The following NUP133 variants were observed in gnomAD, a reference collection of about 807,000 sequenced individuals.
NUP133 encodes nuclear pore complex protein Nup133.
Under a neutral mutation model 146.2 loss-of-function variants are expected in NUP133, and 66 were observed. The ratio of observed to expected loss-of-function variants is 0.45; its 90% confidence interval spans 0.37 to 0.55. The LOEUF is 0.55. Among genes scored for constraint, NUP133 ranks in the 20% least tolerant of loss-of-function variants. The pLI is 0.00. For synonymous variants in NUP133, 521 were observed against 498.8 expected, an observed-to-expected ratio of 1.04 and a Z score of -0.59; for missense variants, 1,277 against 1,374.8, an observed-to-expected ratio of 0.93 and a Z score of 1.12.
intron 12 of NUP133, among the ~76,000 whole-genome samples, chr1:229,480,203 G>A (rs1432551763): frequency 6.6e-6 from 1 of 152,178 alleles, no homozygotes; most frequent in Non-Finnish European, 1.5e-5. Context: ...GGGCTTCTGT[G>A]ATCTCTGTGA....
chr1:229,502,160 C>A, intron 2 of NUP133, 58 bp from the exon 3 acceptor site: 1 of 1,289,716 alleles, frequency 7.8e-7, no homozygotes, highest in Non-Finnish European at 1.1e-6. Context: ...TATTACCACA[C>A]GCTTTATCAA....
At chr1:229,461,338 G>A (rs1660685432) in intron 19 of NUP133, among the ~76,000 whole-genome samples, 1 of 152,216 alleles carries the variant, frequency 6.6e-6, no homozygotes, top group Admixed American at 6.5e-5. Context: ...GTGGTGTGGA[G>A]GCTGAGCTGG....
intron 15 of NUP133, among the ~76,000 whole-genome samples, chr1:229,469,768 C>T (rs1017078223): frequency 6.6e-6 from 1 of 152,210 alleles, no homozygotes; most frequent in Admixed American, 6.5e-5. Context: ...TGGCAGAAGC[C>T]GGAGGGCAAG....
intron 14 of NUP133, among the ~76,000 whole-genome samples, chr1:229,472,040 C>T (rs1347280639): frequency 6.6e-6 from 1 of 152,180 alleles, no homozygotes; most frequent in African/African-American, 2.4e-5. Flanking sequence ...GTGTAATCGG[C>T]CAGGCGTGAT....
chr1:229,449,883 T>A (rs866720545), intron 23 of NUP133, among the ~76,000 whole-genome samples: 16,870 of 108,300 alleles, frequency 0.16, 1,465 homozygotes, highest in Middle Eastern at 0.21. Context: ...ATTTTTTTTT[T>A]TTTTTTTTTT....
chr1:229,505,024 A>G (rs10449250), intron 2 of NUP133, among the ~76,000 whole-genome samples: 46,059 of 152,064 alleles, frequency 0.3, 8,805 homozygotes, highest in African/African-American at 0.54. Context: ...AAAACATGAT[A>G]AGATTTATAC....
intron 12 of NUP133, 88 bp downstream of exon 12, chr1:229,483,966 C>A (rs1000395871): frequency 1.2e-5 from 10 of 851,590 alleles, no homozygotes; most frequent in Non-Finnish European, 1.9e-5. Flanking sequence ...ATTCCTCCAA[C>A]TTGCTCCCAC....
chr1:229,506,320 AC>A (rs1277984657), intron 1 of NUP133, among the ~76,000 whole-genome samples, 162 bp from the exon 2 acceptor site: 1 of 152,050 alleles, frequency 6.6e-6, no homozygotes, highest in African/African-American at 2.4e-5. Context: ...TAAAAAAAAA[AC>A]AAAACAGGAT....
At chr1:229,490,566 T>C (rs1033597657) in intron 8 of NUP133, among the ~76,000 whole-genome samples, 4 of 152,130 alleles carry the variant, frequency 2.6e-5, no homozygotes, top group Non-Finnish European at 5.9e-5. Context: ...GGCTAGAGGA[T>C]GGAGGGGTCG....
At chr1:229,499,895 C>A in intron 4 of NUP133, 77 bp from the exon 5 acceptor site, 1 of 1,478,270 alleles carries the variant, frequency 6.8e-7, no homozygotes, top group Non-Finnish European at 9.2e-7. Flanking sequence ...GGCAATGATA[C>A]AAAGAAACAG....
intron 24 of NUP133, among the ~76,000 whole-genome samples, chr1:229,446,656 C>T (rs559157915): frequency 6.6e-6 from 1 of 151,900 alleles, no homozygotes; most frequent in African/African-American, 2.4e-5. Context: ...ATGGCATGAA[C>T]CCGAGAGGTG....
chr1:229,476,003 G>A (rs138968174), intron 13 of NUP133, among the ~76,000 whole-genome samples: 2,542 of 152,142 alleles, frequency 0.017, 73 homozygotes, highest in African/African-American at 0.058. Context: ...AGCTACTCAG[G>A]AGGCTGAGGC....
In NUP133 at chr1:229,508,129, AC is replaced by A; in HGVS notation, c.120del (p.Ser41LeufsTer18). 6.3e-7 allele frequency: 1 copy of A among 1,583,930 alleles called. No homozygotes were observed. The highest frequency in any genetic ancestry group is 1.4e-5 in the African/African-American group (1 of 73,154). On this transcript the variant is annotated frameshift_variant, in exon 1 of 26. Coordinates refer to ENST00000261396, the MANE Select transcript of NUP133 (RefSeq NM_018230.3). LOFTEE classifies it high-confidence loss of function. ...AAGAGCACTGGGGAGCTGACTGCAG[AC>A]CCCAGGGGCAGACCCTTCCTGCTAG... ...RTASRKGLPLGSAVSSPVLFS... is the reference protein window; with the variant it reads ...RTASRKGLPLXSAVSSPVLFS...
chr1:229,486,509 A>T lies in NUP133; in HGVS notation c.1362T>A (p.Ala454=), dbSNP rs531801008. The T allele has an allele frequency of 6.2e-7, 1 of 1,608,838 alleles. No individual in the cohort carries two copies. Among genetic ancestry groups the T allele is most frequent in the Admixed American group, 1.7e-5 (1 of 58,668 alleles). ...TGATAGGAACACCACCACAGGCACC[A>T]GCACCTAAAACACTATCTCCTAAAA... ...FNAQGDSVLG[A]GACGGVPIIF... is the part of the protein sequence containing the mutation. The change falls in exon 11 of 26, where the codon GCT becomes GCA. Residue 454 remains alanine (A), a synonymous_variant. Transcript: ENST00000261396.
intron 12 of NUP133, among the ~76,000 whole-genome samples, chr1:229,478,159 T>G (rs1049638485): frequency 1.3e-5 from 2 of 151,726 alleles, no homozygotes; most frequent in African/African-American, 4.8e-5. Flanking sequence ...AAAAAAAAAA[T>G]TTTAAGTTAA....
At chr1:229,472,732 A>AT (rs1269410536) in intron 14 of NUP133, among the ~76,000 whole-genome samples, 2 of 146,822 alleles carry the variant, frequency 1.4e-5, no homozygotes, top group South Asian at 2.1e-4. Context: ...ATATATGTAC[A>AT]ATCATTCTAG....
At chr1:229,477,281 T>C (rs568166831) in intron 13 of NUP133, among the ~76,000 whole-genome samples, 1 of 151,540 alleles carries the variant, frequency 6.6e-6, no homozygotes, top group African/African-American at 2.4e-5. Context: ...CTACCAAAAA[T>C]ACAAAAAAAT....
intron 12 of NUP133, among the ~76,000 whole-genome samples, chr1:229,478,948 G>T (rs949149007): frequency 1.3e-5 from 2 of 152,148 alleles, no homozygotes; most frequent in African/African-American, 4.8e-5. Context: ...AGACAGGAAA[G>T]AGAAAAATCC....
In NUP133 at chr1:229,495,938, C is replaced by T. The variant is rs775311717; in HGVS notation, c.929G>A (p.Trp310Ter). 1.2e-6 allele frequency: 2 copies of T among 1,610,506 alleles called. No individual in the cohort carries two copies. The highest frequency in any genetic ancestry group is 3.4e-5 in the Admixed American group (2 of 59,182). The change falls in exon 7 of 26, where the codon TGG becomes TAG. Residue 310 changes from tryptophan to a stop codon, truncating the protein, a stop_gained. Coordinates refer to ENST00000261396, the MANE Select transcript of NUP133 (RefSeq NM_018230.3). LOFTEE classifies it high-confidence loss of function. ...TTCCTTCAGGGCTCTATTTATATCC[C>T]AACTGTATGCATGCTTTTCTGAAGA... Reference protein sequence around the residue: ...DDSSEKHAYSWDINRALKENI... With the variant: ...DDSSEKHAYS
Sources: allele counts gnomAD v4.1 joint callset (sites outside exome capture counted in the v4.1 genomes callset), GRCh38; gene constraint gnomAD v4.1.1; transcripts MANE v1.5; gene names NCBI Gene and HGNC (gene_info 2026-07-23, HGNC 2026-07-21).